CNTN3: variants seen among roughly 807,000 people sequenced by gnomAD.
CNTN3 encodes the protein contactin-3.
In CNTN3, 60 loss-of-function variants were observed where a neutral mutation model predicts 119.1. The observed-to-expected ratio is 0.50, with a 90% confidence interval of 0.41 to 0.62. CNTN3 has a LOEUF of 0.62. CNTN3 is among the 20% of genes least tolerant of loss of function. The pLI, the probability that CNTN3 is intolerant of heterozygous loss-of-function variation, is 0.00. For synonymous variants in CNTN3, 450 were observed against 438.7 expected, an observed-to-expected ratio of 1.03 and a Z score of -0.32; for missense variants, 1,101 against 1,242.4, an observed-to-expected ratio of 0.89 and a Z score of 1.71.
chr3:74,265,714 G>T (rs1396942492), intron 22 of CNTN3, among the ~76,000 whole-genome samples: 3 of 152,004 alleles, frequency 2.0e-5, no homozygotes, highest in African/African-American at 4.8e-5. Flanking sequence ...CAAGATTAAA[G>T]ACAAAAGTTT....
intron 13 of CNTN3, among the ~76,000 whole-genome samples, chr3:74,320,726 G>A (rs192630157): frequency 6.6e-6 from 1 of 152,236 alleles, no homozygotes; most frequent in East Asian, 1.9e-4. Context: ...AGACGTCCCT[G>A]AGCCTCATGG....
chr3:74,366,772 GTGTGTGTGTA>G (rs1377642022), intron 8 of CNTN3, among the ~76,000 whole-genome samples: 7 of 43,494 alleles, frequency 1.6e-4, no homozygotes, highest in Admixed American at 6.5e-4. Flanking sequence ...GTGTGTGTGT[GTGTGTGTGTA>G]TATATATATA....
At chr3:74,521,709 AC>A (rs1703546294) in intron 1 of CNTN3, among the ~76,000 whole-genome samples, 4 of 151,836 alleles carry the variant, frequency 2.6e-5, no homozygotes, top group Non-Finnish European at 5.9e-5. Context: ...GCTGTGTAAA[AC>A]AGATTTTAAA....
chr3:74,573,343 A>C lies in CNTN3; in HGVS notation c.-81+41048T>G, dbSNP rs544973532. Among the ~76,000 whole-genome samples, 3 of 152,248 alleles carry C rather than the reference A, an allele frequency of 2.0e-5. No homozygotes were observed. In the South Asian group the frequency reaches 6.2e-4, roughly 32 times the overall value. ...CACTCCCATCCCATGCCAATCTCAA[A>C]GAAAATTATAAAAGTCTTAGAAGAA... On this transcript the variant is annotated intron_variant, in intron 1 of 22. Coordinates refer to ENST00000263665, the MANE Select transcript of CNTN3 (RefSeq NM_020872.3).
intron 20 of CNTN3, among the ~76,000 whole-genome samples, chr3:74,281,430 G>A (rs1702006960): frequency 6.6e-6 from 1 of 152,022 alleles, no homozygotes; most frequent in Admixed American, 6.6e-5. Flanking sequence ...GATCTCCTAG[G>A]CTCAAGGAAT....
At chr3:74,452,037 T>A (rs1273132383) in intron 4 of CNTN3, among the ~76,000 whole-genome samples, 3 of 145,824 alleles carry the variant, frequency 2.1e-5, no homozygotes, top group Non-Finnish European at 3.0e-5. Flanking sequence ...AGTAGTTTTT[T>A]CCAATTCTGT....
chr3:74,568,458 C>T (rs1704260184), intron 1 of CNTN3, among the ~76,000 whole-genome samples: 1 of 152,186 alleles, frequency 6.6e-6, no homozygotes, highest in Non-Finnish European at 1.5e-5. Context: ...ACAAACTCAG[C>T]CTACTCCATG....
At chr3:74,422,380 A>G (rs542537179) in intron 5 of CNTN3, among the ~76,000 whole-genome samples, 1 of 152,318 alleles carries the variant, frequency 6.6e-6, no homozygotes, top group East Asian at 1.9e-4. Context: ...GTCTTCACCT[A>G]CAATCCTATT....
At chr3:74,585,485 C>T (rs1409446981) in intron 1 of CNTN3, among the ~76,000 whole-genome samples, 1 of 152,046 alleles carries the variant, frequency 6.6e-6, no homozygotes, top group East Asian at 1.9e-4. Flanking sequence ...ATTTTGAATT[C>T]AAGTTTTAGA....
At chr3:74,531,938 G>A (rs761997353) in intron 1 of CNTN3, among the ~76,000 whole-genome samples, 1 of 151,692 alleles carries the variant, frequency 6.6e-6, no homozygotes, top group Non-Finnish European at 1.5e-5. Flanking sequence ...GCACTGAATT[G>A]TACACTAATA....
intron 1 of CNTN3, among the ~76,000 whole-genome samples, chr3:74,544,625 G>A (rs1703888085): frequency 6.6e-6 from 1 of 152,072 alleles, no homozygotes; most frequent in South Asian, 2.1e-4. Context: ...GGGGGACAGA[G>A]TCTTGCTTTG....
At chr3:74,358,509 T>C (rs977899534) in intron 11 of CNTN3, among the ~76,000 whole-genome samples, 1 of 151,642 alleles carries the variant, frequency 6.6e-6, no homozygotes, top group Non-Finnish European at 1.5e-5. Context: ...AATGAATTTC[T>C]GATTAGTATG....
At chr3:74,584,893 G>C (rs556060774) in intron 1 of CNTN3, among the ~76,000 whole-genome samples, 2 of 152,022 alleles carry the variant, frequency 1.3e-5, no homozygotes, top group Admixed American at 6.6e-5. Context: ...AACAACCCTG[G>C]CTCTTTCCAT....
At chr3:74,477,340 T>G (rs1702676256) in intron 4 of CNTN3, among the ~76,000 whole-genome samples, 1 of 152,096 alleles carries the variant, frequency 6.6e-6, no homozygotes, top group South Asian at 2.1e-4. Context: ...AAAAATTATT[T>G]TTTGGCAAAT....
At chr3:74,514,570 T>C (rs1254090758) in intron 2 of CNTN3, among the ~76,000 whole-genome samples, 1 of 152,014 alleles carries the variant, frequency 6.6e-6, no homozygotes, top group Non-Finnish European at 1.5e-5. Flanking sequence ...ATAAGAATAA[T>C]ACCATAAAAG....
chr3:74,446,085 T>C lies in CNTN3; in HGVS notation c.359-21145A>G, dbSNP rs541976347. Reference sequence around the variant, plus strand: ...CTGACTTTTATTACATTCATTCTTCTGGCTGCAGAGTCAGAAGAACTGGCC... The same window carrying C: ...CTGACTTTTATTACATTCATTCTTCCGGCTGCAGAGTCAGAAGAACTGGCC... On this transcript the variant is annotated intron_variant, in intron 4 of 22. Transcript: ENST00000263665. Among the ~76,000 whole-genome samples the C allele has an allele frequency of 6.6e-5, 10 of 152,296 alleles. No homozygotes were observed. The East Asian group carries it at 1.7e-3, about 27-fold the overall frequency.
chr3:74,301,579 G>T, intron 15 of CNTN3, 32 bp from the exon 16 acceptor site: 6 of 1,612,388 alleles, frequency 3.7e-6, no homozygotes, highest in Middle Eastern at 1.7e-4. Context: ...GTAAGAGTCT[G>T]CCTGCTTTAG....
chr3:74,325,866 C>T (rs1299099366), intron 13 of CNTN3, among the ~76,000 whole-genome samples: 1 of 152,134 alleles, frequency 6.6e-6, no homozygotes, highest in Non-Finnish European at 1.5e-5. Flanking sequence ...ATCTGATCTA[C>T]TAATTTCCTA....
At chr3:74,593,855 T>G (rs1377947762) in intron 1 of CNTN3, among the ~76,000 whole-genome samples, 1 of 151,890 alleles carries the variant, frequency 6.6e-6, no homozygotes, top group Non-Finnish European at 1.5e-5. Flanking sequence ...AAAAGAAATA[T>G]TAAATATATA....
Sources: gnomAD v4.1 joint callset for allele counts (sites outside exome capture counted in the v4.1 genomes callset) on GRCh38, gnomAD v4.1.1 for gene constraint, MANE v1.5 for transcripts, NCBI Gene and HGNC (gene_info 2026-07-23, HGNC 2026-07-21) for gene names.